The following NBAS variants were observed in gnomAD, a reference collection of about 807,000 sequenced individuals.
NBAS encodes the protein NBAS subunit of NRZ tethering complex, also known as NAG/BC035112 fusion.
In NBAS, 219 loss-of-function variants were observed where a neutral mutation model predicts 302.5. The observed-to-expected ratio is 0.72, with a 90% confidence interval of 0.65 to 0.81. The LOEUF is 0.81. Among genes scored for constraint, NBAS ranks in the 30% least tolerant of loss-of-function variants. The probability of loss-of-function intolerance (pLI) is 0.00; values close to 1 mark genes in which losing one functional copy is unlikely to be tolerated. For synonymous variants in NBAS, 1,118 were observed against 1,021.6 expected (o/e 1.09, Z -1.80); for missense variants, 2,932 against 2,841.6 (o/e 1.03, Z -0.72).
chr2:15,494,166 C>A (rs1194026074), intron 11 of NBAS, among the ~76,000 whole-genome samples: 1 of 152,194 alleles, frequency 6.6e-6, no homozygotes, highest in Non-Finnish European at 1.5e-5. Context: ...ATTTCTTTCA[C>A]ATTCCTCGTT....
intron 50 of NBAS, among the ~76,000 whole-genome samples, chr2:15,183,708 T>C (rs1489124755): frequency 4.6e-5 from 7 of 151,712 alleles, no homozygotes; most frequent in Non-Finnish European, 1.0e-4. Flanking sequence ...CGAGCATTAC[T>C]AGAGTTCTTT....
intron 32 of NBAS, among the ~76,000 whole-genome samples, 172 bp downstream of exon 32, chr2:15,366,408 G>A (rs1030983258): frequency 1.3e-5 from 2 of 152,082 alleles, no homozygotes; most frequent in Non-Finnish European, 1.5e-5. Flanking sequence ...CTAACTGAGA[G>A]GCTGAGGCAG....
At chr2:15,097,436 G>T in the NBAS span, among the ~76,000 whole-genome samples, 1 of 152,252 alleles carries the variant, frequency 6.6e-6, no homozygotes, top group Admixed American at 6.5e-5. Context: ...CTTCTGTAAA[G>T]GGCAAATGTC....
chr2:15,558,602 A>C lies in NBAS; in HGVS notation c.150T>G (p.Phe50Leu), dbSNP rs764707664. Reference sequence around the variant, plus strand: ...TACCTCGAATTGCTTTCGTGATGATAAAGGATGCACCATGTTTTTGGTTGC... The same window carrying C: ...TACCTCGAATTGCTTTCGTGATGATCAAGGATGCACCATGTTTTTGGTTGC... ...PRGNQKHGASFIITKAIRDRL... is the reference protein window; with the variant it reads ...PRGNQKHGASLIITKAIRDRL... Residue 50 changes from phenylalanine to leucine, a missense_variant, in exon 2 of 52, where the codon TTT becomes TTG. Coordinates refer to ENST00000281513, the MANE Select transcript of NBAS (RefSeq NM_015909.4). The C allele has an allele frequency of 1.9e-6, 3 of 1,613,134 alleles. No homozygotes were observed. In the South Asian group the frequency reaches 3.3e-5, roughly 18 times the overall value.
chr2:15,536,825 T>C lies in NBAS; in HGVS notation c.514-274A>G, dbSNP rs373334008. ...ATAGGAAATTTCTATTCAAATTGTA[T>C]GTCAATTGCAGAAAAAAAACAAAGA... On this transcript the variant is annotated intron_variant, in intron 7 of 51. Transcript: ENST00000281513. Among the ~76,000 whole-genome samples, 3 of 152,112 alleles carry C rather than the reference T, an allele frequency of 2.0e-5. No individual in the cohort carries two copies. In the South Asian group the frequency reaches 6.2e-4, roughly 31 times the overall value.
the NBAS span, among the ~76,000 whole-genome samples, chr2:15,051,004 C>T: frequency 1.3e-5 from 2 of 152,150 alleles, no homozygotes; most frequent in East Asian, 3.9e-4. Flanking sequence ...TCTCCCCTAC[C>T]CAGTAAGCTG....
At chr2:15,031,137 G>A in the NBAS span, among the ~76,000 whole-genome samples, 7 of 152,144 alleles carry the variant, frequency 4.6e-5, no homozygotes, top group African/African-American at 1.7e-4. Flanking sequence ...GCCAATCATT[G>A]GCTGTCAAAA....
At chr2:15,312,269 C>CT (rs540585245) in intron 38 of NBAS, among the ~76,000 whole-genome samples, 6 of 151,634 alleles carry the variant, frequency 4.0e-5, no homozygotes, top group South Asian at 2.1e-4. Context: ...CAACTACATT[C>CT]TTTTTTTTTC....
chr2:14,995,934 C>T, the NBAS span, among the ~76,000 whole-genome samples: 1 of 152,094 alleles, frequency 6.6e-6, no homozygotes, highest in Non-Finnish European at 1.5e-5. Flanking sequence ...TAATCCATAT[C>T]ATGCTCCCCT....
chr2:14,894,427 T>C, the NBAS span, among the ~76,000 whole-genome samples: 1 of 152,142 alleles, frequency 6.6e-6, no homozygotes, highest in South Asian at 2.1e-4. Context: ...TTTGACTGCA[T>C]TGACAGAAGA....
At chr2:15,062,091 C>T in the NBAS span, among the ~76,000 whole-genome samples, 4 of 152,256 alleles carry the variant, frequency 2.6e-5, no homozygotes, top group African/African-American at 4.8e-5. Context: ...TCCCCAGTTT[C>T]GGGCAACATT....
chr2:15,535,169 C>G (rs1035545515), intron 8 of NBAS, among the ~76,000 whole-genome samples: 1 of 152,152 alleles, frequency 6.6e-6, no homozygotes, highest in African/African-American at 2.4e-5. Flanking sequence ...CCCTGGGGAA[C>G]TGGATCCAGG....
At chr2:14,817,497 C>T in the NBAS span, among the ~76,000 whole-genome samples, 8 of 152,058 alleles carry the variant, frequency 5.3e-5, no homozygotes, top group Non-Finnish European at 7.4e-5. Flanking sequence ...TCTTTGGCTC[C>T]CCATTGCTTT....
chr2:15,377,787 AAAC>A (rs1674819693), intron 30 of NBAS, among the ~76,000 whole-genome samples: 1 of 152,246 alleles, frequency 6.6e-6, no homozygotes, highest in Non-Finnish European at 1.5e-5. Context: ...CTAGCTCAAT[AAAC>A]AACTGAAAAA....
intron 35 of NBAS, among the ~76,000 whole-genome samples, chr2:15,345,099 A>C (rs1052513999): frequency 2.0e-5 from 3 of 152,224 alleles, no homozygotes; most frequent in Non-Finnish European, 4.4e-5. Flanking sequence ...AACTGGTACA[A>C]GACAAGGATG....
chr2:15,558,538 T>C (rs746944310), intron 2 of NBAS, 42 bp downstream of exon 2: 4 of 1,533,388 alleles, frequency 2.6e-6, no homozygotes, highest in Non-Finnish European at 3.6e-6. Flanking sequence ...ACATTTTAAC[T>C]GTTAACCATA....
intron 28 of NBAS, among the ~76,000 whole-genome samples, chr2:15,390,561 A>C (rs890514700): frequency 6.6e-6 from 1 of 152,146 alleles, no homozygotes; most frequent in Non-Finnish European, 1.5e-5. Context: ...ATTGTCCTGT[A>C]TATGGGATCA....
At chr2:14,985,600 T>C in the NBAS span, among the ~76,000 whole-genome samples, 1 of 152,136 alleles carries the variant, frequency 6.6e-6, no homozygotes, top group African/African-American at 2.4e-5. Flanking sequence ...TATGAAGCAA[T>C]AACTGCTGTT....
At chr2:14,826,881 CT>C in the NBAS span, among the ~76,000 whole-genome samples, 1 of 152,176 alleles carries the variant, frequency 6.6e-6, no homozygotes, top group Non-Finnish European at 1.5e-5. Context: ...CTGGAGATGC[CT>C]CCTGGAATGC....
Sources: gnomAD v4.1 joint callset for allele counts (sites outside exome capture counted in the v4.1 genomes callset) on GRCh38, gnomAD v4.1.1 for gene constraint, MANE v1.5 for transcripts, NCBI Gene and HGNC (gene_info 2026-07-23, HGNC 2026-07-21) for gene names.